The following KCNJ3 variants were observed in gnomAD, a reference collection of about 807,000 sequenced individuals.
KCNJ3 encodes G protein-activated inward rectifier potassium channel 1.
KCNJ3 carries 4 observed loss-of-function variants against 39.2 expected under a neutral mutation model. The observed-to-expected ratio is 0.10, with a 90% CI of 0.05 to 0.23. The LOEUF (loss-of-function observed/expected upper bound fraction) is 0.23. Among genes scored for constraint, KCNJ3 ranks in the 10% least tolerant of loss-of-function variants. The probability of loss-of-function intolerance (pLI) is 1.00; values close to 1 mark genes in which losing one functional copy is unlikely to be tolerated. For synonymous variants in KCNJ3, 230 were observed against 237.4 expected (o/e 0.97, Z 0.29); for missense variants, 276 against 634.9 (o/e 0.43, Z 6.08).
chr2:154,787,600 A>G (rs1686555268), intron 2 of KCNJ3, among the ~76,000 whole-genome samples: 1 of 151,694 alleles, frequency 6.6e-6, no homozygotes, highest in South Asian at 2.1e-4. Flanking sequence ...AACTTTTCCG[A>G]GTCCAATTCT....
chr2:154,742,461 C>T (rs1262601866), intron 2 of KCNJ3, among the ~76,000 whole-genome samples: 1 of 151,790 alleles, frequency 6.6e-6, no homozygotes, highest in African/African-American at 2.4e-5. Flanking sequence ...CATAGTCCTC[C>T]ACAGCAGCTA....
chr2:154,765,924 A>G (rs1686125505), intron 2 of KCNJ3, among the ~76,000 whole-genome samples: 1 of 152,152 alleles, frequency 6.6e-6, no homozygotes, highest in Non-Finnish European at 1.5e-5. Flanking sequence ...ACAGAAAACA[A>G]GGGTAGTGAT....
intron 2 of KCNJ3, among the ~76,000 whole-genome samples, chr2:154,817,657 AT>A (rs1687106162): frequency 6.6e-6 from 1 of 151,992 alleles, no homozygotes; most frequent in Admixed American, 6.6e-5. Context: ...ATTTTTGATT[AT>A]TTTGTCTAGT....
chr2:154,709,975 C>G (rs1402244257), intron 2 of KCNJ3, 156 bp downstream of exon 2: 2 of 894,294 alleles, frequency 2.2e-6, no homozygotes, highest in Admixed American at 6.1e-5. Context: ...TAAATTGATA[C>G]CATTTTGAAA....
rs540922557 is a variant in KCNJ3 at position 154,713,418 on chromosome 2, G to C, written c.919+3599G>C. Among the ~76,000 whole-genome samples the C allele has an allele frequency of 2.6e-5, 4 of 152,152 alleles. No individual in the cohort carries two copies. In the South Asian group the frequency reaches 8.3e-4, roughly 32 times the overall value. On this transcript the variant is annotated intron_variant, in intron 2 of 2. Transcript: ENST00000295101. Reference sequence around the variant, plus strand: ...ATTTCTCCATTCACAGCAGTGTGCCGGTGGTAAGAATCTTCTCATTTCATT... The same window carrying C: ...ATTTCTCCATTCACAGCAGTGTGCCCGTGGTAAGAATCTTCTCATTTCATT...
chr2:154,833,481 C>T (rs1246643715), intron 2 of KCNJ3, among the ~76,000 whole-genome samples: 1 of 152,210 alleles, frequency 6.6e-6, no homozygotes, highest in Non-Finnish European at 1.5e-5. Context: ...CAGCTTCTCA[C>T]ACCATCAGTT....
intron 2 of KCNJ3, among the ~76,000 whole-genome samples, chr2:154,834,318 C>T (rs1266402960): frequency 3.3e-5 from 5 of 152,178 alleles, no homozygotes; most frequent in Non-Finnish European, 7.3e-5. Context: ...CATACACCTA[C>T]TTGCCATCTG....
rs114735275 is a variant in KCNJ3, at chr2:154,849,197, C to T, written c.920-5530C>T. Among the ~76,000 whole-genome samples, 292 of 152,196 alleles carry T rather than the reference C, an allele frequency of 1.9e-3. 1 individual carries two copies. The highest frequency in any genetic ancestry group is 6.7e-3 in the African/African-American group (278 of 41,528). Reference sequence around the variant, plus strand: ...ATAGGAAGGGGGATAACAGTCTCTTCCTCGAAGAGTTGTGAGGATTAAAGA... The same window carrying T: ...ATAGGAAGGGGGATAACAGTCTCTTTCTCGAAGAGTTGTGAGGATTAAAGA... On this transcript the variant is annotated intron_variant, in intron 2 of 2. Coordinates refer to ENST00000295101, the MANE Select transcript of KCNJ3 (RefSeq NM_002239.4).
chr2:154,774,386 C>CCTGA (rs1209337951), intron 2 of KCNJ3, among the ~76,000 whole-genome samples: 1 of 113,360 alleles, frequency 8.8e-6, no homozygotes, highest in African/African-American at 3.5e-5. Flanking sequence ...ATTTGCATTG[C>CCTGA]TTCAAGTGTT....
chr2:154,842,930 C>T (rs1209137520), intron 2 of KCNJ3, among the ~76,000 whole-genome samples: 1 of 152,130 alleles, frequency 6.6e-6, no homozygotes, highest in Non-Finnish European at 1.5e-5. Flanking sequence ...ACATTTAGCC[C>T]ATTTACATTT....
intron 2 of KCNJ3, among the ~76,000 whole-genome samples, chr2:154,835,505 C>CATGAATATGAATATATATA (rs1687444484): frequency 3.9e-5 from 5 of 128,352 alleles, no homozygotes; most frequent in Admixed American, 8.3e-5. Context: ...GAATATATAT[C>CATGAATATGAATATATATA]AAAATATATA....
chr2:154,711,753 T>C (rs911376260), intron 2 of KCNJ3, among the ~76,000 whole-genome samples: 40 of 152,146 alleles, frequency 2.6e-4, no homozygotes, highest in African/African-American at 8.2e-4. Flanking sequence ...TTGAAGCAGG[T>C]TGTTTGTAAA....
chr2:154,824,710 T>C (rs931978142), intron 2 of KCNJ3, among the ~76,000 whole-genome samples: 35 of 152,336 alleles, frequency 2.3e-4, no homozygotes, highest in African/African-American at 7.9e-4. Flanking sequence ...TTTTTAATTA[T>C]GTAATACAAA....
chr2:154,763,871 T>C (rs1686086991), intron 2 of KCNJ3, among the ~76,000 whole-genome samples: 1 of 152,234 alleles, frequency 6.6e-6, no homozygotes, highest in Non-Finnish European at 1.5e-5. Context: ...TAGCTTTGAA[T>C]GTAGCATATA....
chr2:154,781,311 C>T (rs1436047014), intron 2 of KCNJ3, among the ~76,000 whole-genome samples: 1 of 152,140 alleles, frequency 6.6e-6, no homozygotes, highest in East Asian at 1.9e-4. Flanking sequence ...ATAGTCACAA[C>T]AAGAAATTAA....
chr2:154,845,631 G>A (rs971097946), intron 2 of KCNJ3, among the ~76,000 whole-genome samples: 1 of 152,130 alleles, frequency 6.6e-6, no homozygotes, highest in Non-Finnish European at 1.5e-5. Context: ...AGTTTGATGA[G>A]ACTGGGACAT....
At chr2:154,842,277 T>C (rs1250612316) in intron 2 of KCNJ3, among the ~76,000 whole-genome samples, 1 of 152,254 alleles carries the variant, frequency 6.6e-6, no homozygotes, top group East Asian at 1.9e-4. Context: ...TCCTGAGTTC[T>C]AATTTGATTG....
At chr2:154,835,108 T>C (rs907342399) in intron 2 of KCNJ3, among the ~76,000 whole-genome samples, 3 of 152,000 alleles carry the variant, frequency 2.0e-5, no homozygotes, top group Admixed American at 2.0e-4. Context: ...CAGAAAAATG[T>C]CATTTTATTT....
chr2:154,789,434 CA>C (rs1342016036), intron 2 of KCNJ3, among the ~76,000 whole-genome samples: 20 of 152,052 alleles, frequency 1.3e-4, no homozygotes, highest in African/African-American at 4.6e-4. Context: ...TAGGGACCTA[CA>C]GTTACCTTCT....
Sources: allele counts gnomAD v4.1 joint callset (sites outside exome capture counted in the v4.1 genomes callset), GRCh38; gene constraint gnomAD v4.1.1; transcripts MANE v1.5; gene names NCBI Gene and HGNC (gene_info 2026-07-23, HGNC 2026-07-21).